The following ATP2B2 variants were observed in gnomAD, a reference collection of about 807,000 sequenced individuals.
ATP2B2 encodes ATPase plasma membrane Ca2+ transporting 2.
ATP2B2 carries 15 observed loss-of-function variants against 120.0 expected under a neutral mutation model. That is an observed-to-expected ratio of 0.12 (90% CI 0.08 to 0.19). The LOEUF (loss-of-function observed/expected upper bound fraction) is 0.19, where lower values mean the gene tolerates loss of function less well. Among genes scored for constraint, ATP2B2 ranks in the 10% least tolerant of loss-of-function variants. The pLI, the probability that ATP2B2 is intolerant of heterozygous loss-of-function variation, is 1.00. For missense variants in ATP2B2, 1,045 were observed against 1,719.8 expected (o/e 0.61, Z 6.94); for synonymous variants, 694 against 700.3 (o/e 0.99, Z 0.14).
At chr3:10,443,382 C>A (rs893755342) in intron 2 of ATP2B2, among the ~76,000 whole-genome samples, 1 of 152,130 alleles carries the variant, frequency 6.6e-6, no homozygotes, top group Non-Finnish European at 1.5e-5. Flanking sequence ...GTGACCAGGT[C>A]TGATCTATCA....
chr3:10,586,697 C>G (rs2068518095), intron 2 of ATP2B2, among the ~76,000 whole-genome samples: 1 of 152,214 alleles, frequency 6.6e-6, no homozygotes. Flanking sequence ...AACATGCCAC[C>G]AGCCTCTCCT....
rs1157794460 is a variant in ATP2B2, at chr3:10,635,773, G to A, written c.-459-15812C>T. On this transcript the variant is annotated intron_variant, in intron 1 of 21. Coordinates refer to the ATP2B2 transcript ENST00000646379. This position sits in a 1 kb window ranked among gnomAD's most constrained non-coding sequence, Gnocchi z 4.3. ...ATCCCTGCCAGCTTTGCACTGACCA[G>A]GCTGGGCTGGAGTCAGCAAATGATC... is the stretch of plus-strand genomic sequence containing the variant. Among the ~76,000 whole-genome samples, 1 of 152,216 alleles carries A rather than the reference G, an allele frequency of 6.6e-6. No homozygotes were observed. The highest frequency in any genetic ancestry group is 1.9e-4 in the East Asian group (1 of 5,198).
intron 2 of ATP2B2, among the ~76,000 whole-genome samples, chr3:10,440,547 C>A (rs1163018221): frequency 6.6e-6 from 1 of 152,216 alleles, no homozygotes; most frequent in African/African-American, 2.4e-5. Context: ...TCCCTGTACA[C>A]ATCCTGGTTG....
intron 2 of ATP2B2, among the ~76,000 whole-genome samples, chr3:10,591,506 C>A (rs1021465600): frequency 2.0e-5 from 3 of 152,182 alleles, no homozygotes; most frequent in Non-Finnish European, 4.4e-5. Flanking sequence ...TCAAATCACC[C>A]CTCATGCTCC....
intron 1 of ATP2B2, among the ~76,000 whole-genome samples, chr3:10,477,001 A>G (rs1200148679): frequency 6.6e-6 from 1 of 152,198 alleles, no homozygotes; most frequent in Non-Finnish European, 1.5e-5. Flanking sequence ...CACTTAGTCT[A>G]GTCTGGTAGG....
intron 11 of ATP2B2, among the ~76,000 whole-genome samples, chr3:10,372,641 T>A (rs927671875): frequency 1.3e-5 from 2 of 152,188 alleles, no homozygotes; most frequent in Non-Finnish European, 2.9e-5. Context: ...AAACCACACA[T>A]TTCTTTAAAA....
At chr3:10,380,452 A>G (rs1330634355) in intron 8 of ATP2B2, among the ~76,000 whole-genome samples, 1 of 152,240 alleles carries the variant, frequency 6.6e-6, no homozygotes, top group African/African-American at 2.4e-5. Context: ...TGTGCTGGGC[A>G]CACACATAAG....
At chr3:10,513,035 G>A (rs2125441028) in intron 3 of ATP2B2, among the ~76,000 whole-genome samples, 1 of 152,360 alleles carries the variant, frequency 6.6e-6, no homozygotes, top group South Asian at 2.1e-4. Flanking sequence ...TGTGCTAGGT[G>A]CTGAGAATAC....
chr3:10,456,098 T>C (rs2064249633), intron 1 of ATP2B2, among the ~76,000 whole-genome samples: 1 of 152,136 alleles, frequency 6.6e-6, no homozygotes, highest in Non-Finnish European at 1.5e-5. Context: ...AGGAGCAATA[T>C]TTTTTTGTTT....
At chr3:10,575,913 A>G (rs1056607878) in intron 2 of ATP2B2, among the ~76,000 whole-genome samples, 2 of 152,208 alleles carry the variant, frequency 1.3e-5, no homozygotes, top group Admixed American at 6.5e-5. Context: ...TAGAGACCCC[A>G]TGTGTTCAGT....
intron 2 of ATP2B2, among the ~76,000 whole-genome samples, chr3:10,571,470 C>T (rs536316022): frequency 6.6e-6 from 1 of 152,344 alleles, no homozygotes; most frequent in East Asian, 1.9e-4. Context: ...GGCCGCTGAA[C>T]TGGCTGCAGA....
intron 9 of ATP2B2, 24 bp downstream of exon 9, chr3:10,379,219 C>G: frequency 6.2e-7 from 1 of 1,612,772 alleles, no homozygotes; most frequent in Non-Finnish European, 8.5e-7. Flanking sequence ...GGACGACAAA[C>G]GCCGGTTAAA....
At chr3:10,485,962 C>T (rs555520706) in intron 1 of ATP2B2, among the ~76,000 whole-genome samples, 7 of 152,308 alleles carry the variant, frequency 4.6e-5, no homozygotes, top group Non-Finnish European at 1.0e-4. Flanking sequence ...TCATGAAACT[C>T]AGCCAGCGCC....
intron 14 of ATP2B2, among the ~76,000 whole-genome samples, chr3:10,356,189 G>T (rs763546664): frequency 7.0e-6 from 1 of 143,190 alleles, no homozygotes; most frequent in Non-Finnish European, 1.5e-5. Context: ...TGTGTGTGTG[G>T]CAACCAGGCA....
At chr3:10,537,376 T>C (rs1236512479) in intron 2 of ATP2B2, among the ~76,000 whole-genome samples, 2 of 152,212 alleles carry the variant, frequency 1.3e-5, no homozygotes, top group Admixed American at 6.5e-5. Context: ...CTTTCATCTG[T>C]GTTTAATAAT....
intron 2 of ATP2B2, among the ~76,000 whole-genome samples, chr3:10,584,890 T>C (rs541147394): frequency 3.3e-5 from 5 of 152,192 alleles, no homozygotes; most frequent in Non-Finnish European, 7.3e-5. Context: ...ATGGCCACTA[T>C]CTTCCCAGTT....
chr3:10,665,385 G>A (rs1043904149), intron 1 of ATP2B2, among the ~76,000 whole-genome samples: 1 of 152,152 alleles, frequency 6.6e-6, no homozygotes, highest in Non-Finnish European at 1.5e-5. Flanking sequence ...TCCTGAGCAT[G>A]CTGGCTGGGC....
chr3:10,369,840 C>T (rs1255287427), intron 12 of ATP2B2, among the ~76,000 whole-genome samples: 3 of 152,232 alleles, frequency 2.0e-5, no homozygotes, highest in Admixed American at 1.3e-4. Flanking sequence ...CCCAGTCACA[C>T]AGAGGCTCTG....
intron 1 of ATP2B2, among the ~76,000 whole-genome samples, chr3:10,657,651 T>C (rs2070670892): frequency 6.6e-6 from 1 of 152,354 alleles, no homozygotes; most frequent in Middle Eastern, 3.4e-3. Context: ...TGCCTGCCTC[T>C]GTAGACTCCA....
Sources: gnomAD v4.1 joint callset for allele counts (sites outside exome capture counted in the v4.1 genomes callset) on GRCh38, gnomAD v4.1.1 for gene constraint, Gnocchi (gnomAD v3.1) non-coding constraint, MANE v1.5 for transcripts, NCBI Gene and HGNC (gene_info 2026-07-23, HGNC 2026-07-21) for gene names.